The following KANSL1 variants were observed in gnomAD, a reference collection of about 807,000 sequenced individuals.
The protein encoded by KANSL1 is MLL1/MLL complex subunit KANSL1.
KANSL1 carries 22 observed loss-of-function variants against 103.6 expected under a neutral mutation model. That is an observed-to-expected ratio of 0.21 (90% CI 0.15 to 0.30). KANSL1 has a LOEUF of 0.30. Among genes scored for constraint, KANSL1 ranks in the 10% least tolerant of loss-of-function variants. KANSL1 has a pLI of 1.00. For synonymous variants in KANSL1, 600 were observed against 527.6 expected, an observed-to-expected ratio of 1.14 and a Z score of -1.88; for missense variants, 1,337 against 1,399.8, an observed-to-expected ratio of 0.96 and a Z score of 0.72.
intron 1 of KANSL1, among the ~76,000 whole-genome samples, chr17:46,200,506 G>A (rs1302036564): frequency 1.3e-5 from 2 of 152,214 alleles, no homozygotes; most frequent in Non-Finnish European, 2.9e-5. Context: ...ACTTTGGGAG[G>A]CCAAGGTGGG....
At chr17:46,087,956 A>G (rs772372002) in intron 3 of KANSL1, among the ~76,000 whole-genome samples, 4 of 152,232 alleles carry the variant, frequency 2.6e-5, no homozygotes, top group Non-Finnish European at 5.9e-5. Context: ...TCAGTGTTGA[A>G]TAGCTGTGCC....
chr17:46,132,835 C>A (rs898522478), intron 2 of KANSL1, among the ~76,000 whole-genome samples: 1 of 152,042 alleles, frequency 6.6e-6, no homozygotes, highest in Non-Finnish European at 1.5e-5. Flanking sequence ...CCTAGCTGCT[C>A]GGGAGGCTGA....
chr17:46,105,341 G>A (rs2042485596), intron 2 of KANSL1, among the ~76,000 whole-genome samples: 1 of 152,234 alleles, frequency 6.6e-6, no homozygotes, highest in Non-Finnish European at 1.5e-5. Context: ...TTGAGGCCGA[G>A]CATGGTGGCT....
At chr17:46,132,741 A>C (rs1187443823) in intron 2 of KANSL1, among the ~76,000 whole-genome samples, 5 of 152,218 alleles carry the variant, frequency 3.3e-5, no homozygotes. Flanking sequence ...TGAGTCCAGG[A>C]GTTTGAGACC....
At chr17:46,082,669 A>AAAC (rs1379128091) in intron 3 of KANSL1, 127 bp from the exon 4 acceptor site, 2 of 494,250 alleles carry the variant, frequency 4.0e-6, no homozygotes, top group Non-Finnish European at 7.2e-6. Flanking sequence ...TATGGTTCAG[A>AAAC]AACAAACTAC....
intron 2 of KANSL1, among the ~76,000 whole-genome samples, chr17:46,096,794 T>C (rs1335418069): frequency 6.6e-6 from 1 of 151,634 alleles, no homozygotes; most frequent in African/African-American, 2.4e-5. Context: ...AATTTTTGTA[T>C]TTTTAGTAGA....
intron 2 of KANSL1, among the ~76,000 whole-genome samples, chr17:46,153,500 C>T (rs527290122): frequency 3.2e-4 from 48 of 152,276 alleles, no homozygotes; most frequent in African/African-American, 1.1e-3. Context: ...GAAAACAGAA[C>T]AGCATGGGAT....
chr17:46,062,520 A>C (rs909326721), intron 6 of KANSL1, among the ~76,000 whole-genome samples: 3 of 150,912 alleles, frequency 2.0e-5, no homozygotes, highest in African/African-American at 7.3e-5. Context: ...CACCACGCCC[A>C]GCTAATTTTT....
chr17:46,082,814 T>G (rs1598574290), intron 3 of KANSL1, among the ~76,000 whole-genome samples: 1 of 152,150 alleles, frequency 6.6e-6, no homozygotes, highest in African/African-American at 2.4e-5. Flanking sequence ...CTTTCAGATA[T>G]GAAATCTTTA....
At chr17:46,119,510 T>G (rs905264344) in intron 2 of KANSL1, among the ~76,000 whole-genome samples, 31 of 152,152 alleles carry the variant, frequency 2.0e-4, no homozygotes, top group African/African-American at 7.0e-4. Context: ...TTTCACCATG[T>G]TGGCCAGGCT....
chr17:46,165,760 C>CT (rs1478644823), intron 2 of KANSL1, among the ~76,000 whole-genome samples: 3 of 152,064 alleles, frequency 2.0e-5, no homozygotes, highest in African/African-American at 7.2e-5. Context: ...ATCCACCCAC[C>CT]TTGGCCTCCC....
At chr17:46,166,213 C>CCCAAAAAAAAAAA (rs1555573289) in intron 2 of KANSL1, among the ~76,000 whole-genome samples, 1 of 95,104 alleles carries the variant, frequency 1.1e-5, no homozygotes, top group Non-Finnish European at 2.1e-5. Flanking sequence ...GACTCTGTCT[C>CCCAAAAAAAAAAA]AAAAAAAAAA....
Position 46,170,880 on chromosome 17 carries a change from C to A in KANSL1, c.1264G>T (p.Asp422Tyr), listed in dbSNP as rs1309616513. ...DIEEEELTRADPEQRHVPLRR... is the reference protein window; with the variant it reads ...DIEEEELTRAYPEQRHVPLRR... ...AGGGGTACATGACGCTGCTCGGGAT[C>A]AGCTCTGGTCAGTTCTTCCTCTTCA... The change falls in exon 2 of 15, where the codon GAT becomes TAT. Residue 422 changes from aspartate to tyrosine, a missense_variant. By Grantham distance (160) the Asp-to-Tyr change is radical. This residue lies in a region of KANSL1 where 780 missense variants were observed against 923.4 expected (regional missense o/e 0.84). Coordinates refer to ENST00000432791, the MANE Select transcript of KANSL1 (RefSeq NM_015443.4). The A allele has an allele frequency of 3.1e-6, 5 of 1,610,058 alleles. No homozygotes were observed. The highest frequency in any genetic ancestry group is 1.6e-4 in the Middle Eastern group (1 of 6,064).
At chr17:46,159,103 C>G (rs1226293704) in intron 2 of KANSL1, among the ~76,000 whole-genome samples, 1 of 152,210 alleles carries the variant, frequency 6.6e-6, no homozygotes, top group African/African-American at 2.4e-5. Flanking sequence ...TTTGCACTAA[C>G]TCTATGGACC....
rs1315952049 is a variant in KANSL1 at position 46,115,679 on chromosome 17, ACTCTACTCAAAAAGT to A, written c.1290-20993_1290-20979del. Among the ~76,000 whole-genome samples, 4 of 152,350 alleles carry A rather than the reference ACTCTACTCAAAAAGT, an allele frequency of 2.6e-5. No individual in the cohort carries two copies. In the East Asian group the frequency reaches 5.8e-4, roughly 22 times the overall value. On this transcript the variant is annotated intron_variant, in intron 2 of 14. Coordinates refer to ENST00000432791, the MANE Select transcript of KANSL1 (RefSeq NM_015443.4). The stretch of plus-strand genomic sequence containing the variant: ...AACAGTTTATTTATAGGATACTTTG[ACTCTACTCAAAAAGT>A]ATGCTTAAACAATCCAACAACTTTA...
chr17:46,193,868 C>T, upstream of KANSL1: 1 of 163,354 alleles, frequency 6.1e-6, no homozygotes, highest in Non-Finnish European at 1.4e-5. Context: ...GAACTGTTTG[C>T]ACTGTGTAGT....
At chr17:46,132,366 A>C (rs1183420631) in intron 2 of KANSL1, among the ~76,000 whole-genome samples, 1 of 152,256 alleles carries the variant, frequency 6.6e-6, no homozygotes, top group Non-Finnish European at 1.5e-5. Context: ...CATAGTCTCA[A>C]ATACTGCCTA....
At chr17:46,216,078 C>T (rs2048331022) in intron 1 of KANSL1, among the ~76,000 whole-genome samples, 2 of 151,952 alleles carry the variant, frequency 1.3e-5, no homozygotes, top group Non-Finnish European at 2.9e-5. Flanking sequence ...AATAAAATGC[C>T]CATAGGACAT....
chr17:46,217,470 T>TAA (rs34158594), intron 1 of KANSL1, among the ~76,000 whole-genome samples: 92 of 140,210 alleles, frequency 6.6e-4, no homozygotes, highest in African/African-American at 2.4e-3. Context: ...AGAGAGACTC[T>TAA]AAAAAAAAAA....
Sources: allele counts gnomAD v4.1 joint callset (sites outside exome capture counted in the v4.1 genomes callset), GRCh38; gene constraint gnomAD v4.1.1; regional missense constraint gnomAD v4.1.1; transcripts MANE v1.5; gene names NCBI Gene and HGNC (gene_info 2026-07-23, HGNC 2026-07-21).